CEP72: variants seen among roughly 807,000 people sequenced by gnomAD.
The protein encoded by CEP72 is centrosomal protein 72, also known as centrosomal protein of 72 kDa.
A neutral mutation model predicts 65.7 loss-of-function variants in CEP72; 78 were observed. That is an observed-to-expected ratio of 1.19 (90% CI 0.99 to 1.43). The LOEUF (loss-of-function observed/expected upper bound fraction) is 1.43, where lower values mean the gene tolerates loss of function less well. Among genes scored for constraint, CEP72 ranks in the 40% most tolerant of loss-of-function variants. The pLI is 0.00. For missense variants in CEP72, 914 were observed against 832.9 expected (o/e 1.10, Z -1.20); for synonymous variants, 358 against 351.7 (o/e 1.02, Z -0.20).
intron 9 of CEP72, chr5:641,294 CAGAG>C: frequency 1.0e-6 from 1 of 985,402 alleles, no homozygotes; most frequent in Non-Finnish European, 1.2e-6. Context: ...AGCTGGTGGT[CAGAG>C]AGCCACACCC....
At position 633,877 on chromosome 5, in the gene CEP72, C is replaced by G; in HGVS notation, c.621C>G (p.Asp207Glu). ...ACCTCATTGCAGAGTGCGAGTGGGA[C>G]CTCGGCAGGCCTCCCGGGAGCACGA... ...VLNLIAECEWDLGRPPGSTSF... is the reference protein window; with the variant it reads ...VLNLIAECEWELGRPPGSTSF... Residue 207 changes from aspartate (D) to glutamate (E), a missense_variant, in exon 5 of 12, where the codon GAC (aspartate) becomes GAG (glutamate). Physicochemically the swap from Asp to Glu is conservative, Grantham distance 45. Transcript: ENST00000264935. The G allele has an allele frequency of 6.2e-7, 1 of 1,613,578 alleles. No homozygotes were observed. Among genetic ancestry groups the G allele is most frequent in the Non-Finnish European group, 8.5e-7 (1 of 1,180,038 alleles).
chr5:628,055 G>C (rs902827220), intron 4 of CEP72, among the ~76,000 whole-genome samples: 1 of 152,204 alleles, frequency 6.6e-6, no homozygotes, highest in Non-Finnish European at 1.5e-5. Context: ...TACCACACGC[G>C]ACTTTTAACC....
At chr5:625,605 C>G (rs1479018324) in intron 4 of CEP72, among the ~76,000 whole-genome samples, 1 of 152,224 alleles carries the variant, frequency 6.6e-6, no homozygotes, top group Non-Finnish European at 1.5e-5. Context: ...GGCTCTGCAT[C>G]CCTGGGATCG....
intron 1 of CEP72, among the ~76,000 whole-genome samples, chr5:612,927 C>T (rs892650879): frequency 5.3e-5 from 8 of 152,176 alleles, no homozygotes; most frequent in Non-Finnish European, 1.0e-4. Flanking sequence ...AGAAGTGTTG[C>T]CTTCTCTTAT....
chr5:612,488 G>T lies in CEP72; in HGVS notation c.82+45G>T, dbSNP rs1484983998. On this transcript the variant is annotated intron_variant, in intron 1 of 11. Coordinates refer to ENST00000264935, the MANE Select transcript of CEP72 (RefSeq NM_018140.4). ...GGGGTGCAAGCGTGAGGTGGCGGGG[G>T]GGTGGGTGCCGAGCTTCCCGGGGCG... The T allele has an allele frequency of 1.8e-5, 25 of 1,378,892 alleles. 1 individual carries two copies. The highest frequency in any genetic ancestry group is 6.1e-5 in the Admixed American group (2 of 32,752). 85.4% of individuals were successfully genotyped at this position (1,378,892 alleles called of 1,614,324 possible).
intron 1 of CEP72, among the ~76,000 whole-genome samples, chr5:614,556 C>T (rs1414393947): frequency 6.7e-6 from 1 of 148,950 alleles, no homozygotes; most frequent in Non-Finnish European, 1.5e-5. Context: ...TCATGCCATT[C>T]TCCTGCCTCA....
intron 3 of CEP72, among the ~76,000 whole-genome samples, chr5:621,644 A>C (rs1736398854): frequency 6.6e-6 from 1 of 152,220 alleles, no homozygotes; most frequent in Non-Finnish European, 1.5e-5. Flanking sequence ...CGCCTCAGCG[A>C]GTAGACCGGG....
At chr5:637,075 T>C (rs1174308570) in intron 6 of CEP72, among the ~76,000 whole-genome samples, 1 of 152,178 alleles carries the variant, frequency 6.6e-6, no homozygotes, top group Admixed American at 6.5e-5. Context: ...GGGGGCTTAG[T>C]GGTCGGTACA....
chr5:613,543 T>A (rs1735811620), intron 1 of CEP72, among the ~76,000 whole-genome samples: 4 of 152,214 alleles, frequency 2.6e-5, no homozygotes, highest in Admixed American at 2.0e-4. Context: ...TTTTTTATAT[T>A]TTTAGTAGAG....
downstream of CEP72, chr5:657,023 G>A (rs550276261): frequency 3.9e-5 from 6 of 152,262 alleles, no homozygotes; most frequent in Non-Finnish European, 8.8e-5. Context: ...TTAATATATT[G>A]ATGTGTTTAA....
intron 4 of CEP72, chr5:666,239 C>T (rs1451328602): frequency 1.6e-6 from 2 of 1,227,890 alleles, no homozygotes; most frequent in East Asian, 2.4e-5. Context: ...AGGCTTCACC[C>T]ACAGGCGGCC....
At chr5:665,377 A>C (rs1739853577) in intron 3 of CEP72, 4 of 1,381,266 alleles carry the variant, frequency 2.9e-6, no homozygotes, top group Non-Finnish European at 3.0e-6. Flanking sequence ...TGCCCTGGGC[A>C]GGTCTCCCAG....
chr5:612,473 C>T (rs766421797), intron 1 of CEP72, 30 bp downstream of exon 1: 10 of 993,378 alleles, frequency 1.0e-5, no homozygotes, highest in Admixed American at 3.8e-5. Context: ...GGGGTGCAAG[C>T]GTGAGGTGGC....
chr5:653,175 AC>A lies in CEP72; in HGVS notation c.*26del. 5 of 1,576,204 alleles carry A rather than the reference AC, an allele frequency of 3.2e-6. No homozygotes were observed. The highest frequency in any genetic ancestry group is 3.4e-6 in the Non-Finnish European group (4 of 1,164,042). ...CTGACTCCTGCCGAGAAGCTGGGCC[AC>A]CCCTTAAGCTTCCTGGTAAAGTTAC... On this transcript the variant is annotated 3_prime_UTR_variant, in exon 12 of 12. Transcript: ENST00000264935.
At chr5:644,789 T>C (rs747490326) in intron 10 of CEP72, among the ~76,000 whole-genome samples, 1 of 152,184 alleles carries the variant, frequency 6.6e-6, no homozygotes, top group African/African-American at 2.4e-5. Context: ...TGCCATCGAA[T>C]TTGGTGAATG....
chr5:618,905 TC>T, intron 1 of CEP72, 84 bp from the exon 2 acceptor site: 1 of 1,066,778 alleles, frequency 9.4e-7, no homozygotes, highest in South Asian at 1.4e-5. Flanking sequence ...CAGTTTCTAC[TC>T]CATATCCAAC....
intron 3 of CEP72, chr5:665,351 G>A: frequency 1.3e-6 from 2 of 1,535,650 alleles, no homozygotes; most frequent in Admixed American, 1.9e-5. Flanking sequence ...GGTGAGGCCA[G>A]CAAGTGAAAT....
downstream of CEP72, among the ~76,000 whole-genome samples, chr5:670,567 GGGGGAGCTTCT>G (rs1227386026): frequency 6.6e-6 from 1 of 152,146 alleles, no homozygotes. Flanking sequence ...CACGGGGGGA[GGGGGAGCTTCT>G]GGGGAGGTTC....
At chr5:648,904 TGA>T (rs1738670301) in intron 11 of CEP72, among the ~76,000 whole-genome samples, 1 of 113,580 alleles carries the variant, frequency 8.8e-6, no homozygotes, top group African/African-American at 3.5e-5. Context: ...GCGTGGACTG[TGA>T]GGGGTGACTG....
Sources: allele counts gnomAD v4.1 joint callset (sites outside exome capture counted in the v4.1 genomes callset), GRCh38; gene constraint gnomAD v4.1.1; transcripts MANE v1.5; gene names NCBI Gene and HGNC (gene_info 2026-07-23, HGNC 2026-07-21).